ELP2: variants seen among roughly 807,000 people sequenced by gnomAD.
The protein encoded by ELP2 is elongator complex protein 2.
ELP2 carries 90 observed loss-of-function variants against 119.2 expected under a neutral mutation model. The observed-to-expected ratio is 0.75, with a 90% CI of 0.64 to 0.90. The LOEUF (loss-of-function observed/expected upper bound fraction) is 0.90, where lower values mean the gene tolerates loss of function less well. ELP2 is among the 40% of genes least tolerant of loss of function. The pLI, the probability that ELP2 is intolerant of heterozygous loss-of-function variation, is 0.00. For synonymous variants in ELP2, 339 were observed against 331.0 expected, an observed-to-expected ratio of 1.02 and a Z score of -0.26; for missense variants, 921 against 967.8, an observed-to-expected ratio of 0.95 and a Z score of 0.64.
intron 19 of ELP2, among the ~76,000 whole-genome samples, chr18:36,168,621 C>T (rs1422489059): frequency 6.6e-6 from 1 of 152,112 alleles, no homozygotes; most frequent in Non-Finnish European, 1.5e-5. Context: ...AGGTAACCGC[C>T]CCCATGATCC....
At chr18:36,170,860 A>T in intron 20 of ELP2, 187 bp from the exon 21 acceptor site, 1 of 625,468 alleles carries the variant, frequency 1.6e-6, no homozygotes, top group South Asian at 1.8e-5. Context: ...ATCTGTGTGC[A>T]GCCCCTGTAA....
rs1342601799 is a variant in ELP2 at position 36,174,486 on chromosome 18, C to T, written c.2326C>T (p.Gln776Ter). The T allele has an allele frequency of 2.5e-6, 4 of 1,613,564 alleles. No individual in the cohort carries two copies. The highest frequency in any genetic ancestry group is 1.7e-5 in the Admixed American group (1 of 59,972). The change falls in exon 22 of 22, where the codon CAA becomes TAA. Residue 776 changes from glutamine to a stop codon, truncating the protein, a stop_gained and splice_region_variant. Coordinates refer to ENST00000358232, the MANE Select transcript of ELP2 (RefSeq NM_018255.4). LOFTEE classifies it high-confidence loss of function. Reference protein sequence around the residue: ...WTHCVETSQSQSHTLAIRKLC... With the variant: ...WTHCVETSQS ...ATGATTTCTCTATCTTTGTTTTAGC[C>T]AAAGTCATACACTGGCTATCAGAAA...
In ELP2 at chr18:36,142,840, C is replaced by G. The variant is rs771044848; in HGVS notation, c.670C>G (p.Leu224Val). The G allele has an allele frequency of 8.1e-6, 13 of 1,602,466 alleles. No homozygotes were observed. In the East Asian group the frequency reaches 2.2e-4, roughly 28 times the overall value. ...TTTTTAATTAGGTAGAGATCTTTTC[C>G]TAGCAAGCTGTTCACAAGATTGCCT... ...EWAAFGRDLF[L>V]ASCSQDCLIR... Residue 224 changes from leucine (L) to valine (V), a missense_variant, in exon 8 of 22, where the codon CTA (leucine) becomes GTA (valine). By Grantham distance (32) the Leu-to-Val change is conservative. Coordinates refer to ENST00000358232, the MANE Select transcript of ELP2 (RefSeq NM_018255.4).
At position 36,156,560 on chromosome 18, in the gene ELP2, A is replaced by C. The variant is rs759542665; in HGVS notation, c.1370A>C (p.Asp457Ala). 6.2e-7 allele frequency: 1 copy of C among 1,614,150 alleles called. No homozygotes were observed. Among genetic ancestry groups the C allele is most frequent in the Non-Finnish European group, 8.5e-7 (1 of 1,180,006 alleles). Residue 457 changes from aspartate (D) to alanine (A), a missense_variant, in exon 13 of 22, where the codon GAT (aspartate) becomes GCT (alanine). By Grantham distance (126) the Asp-to-Ala change is moderately radical. Transcript: ENST00000358232. ...CGGTTTCAGTTTGTATCTGGAGCAG[A>C]TGAAAAAGTTCTTCGGGTTTTTTCT... is the stretch of plus-strand genomic sequence containing the variant. ...INRFQFVSGA[D>A]EKVLRVFSAP...
At chr18:36,166,092 C>T (rs1222485293) in intron 18 of ELP2, among the ~76,000 whole-genome samples, 1 of 151,678 alleles carries the variant, frequency 6.6e-6, no homozygotes. Context: ...ACTCAGGAGG[C>T]TGAGACAGGA....
intron 21 of ELP2, among the ~76,000 whole-genome samples, chr18:36,174,264 T>G (rs1417670224): frequency 6.6e-6 from 1 of 152,234 alleles, no homozygotes; most frequent in African/African-American, 2.4e-5. Flanking sequence ...GTCTGTGTCT[T>G]GCTCATTTTG....
rs1262639707 is a variant in ELP2 at position 36,142,149 on chromosome 18, T to C, written c.589-132T>C. The C allele has an allele frequency of 1.8e-5, 14 of 774,488 alleles. No homozygotes were observed. The East Asian group carries it at 3.5e-4, about 20-fold the overall frequency. 48.0% of individuals were successfully genotyped at this position (774,488 alleles called of 1,614,324 possible). A position where few individuals can be genotyped will look rare whatever the true frequency, so the allele number is the denominator to read the frequency against. On this transcript the variant is annotated intron_variant, in intron 6 of 21. Coordinates refer to ENST00000358232, the MANE Select transcript of ELP2 (RefSeq NM_018255.4). ...GTTTTTCATTCCCAAAGGAATGCTTTTTCTTGTCTAATCAAATAGTGTTCT... is the reference window on the plus strand; with the variant it reads ...GTTTTTCATTCCCAAAGGAATGCTTCTTCTTGTCTAATCAAATAGTGTTCT...
intron 13 of ELP2, among the ~76,000 whole-genome samples, chr18:36,158,175 C>G (rs561014585): frequency 1.3e-5 from 2 of 152,238 alleles, no homozygotes; most frequent in South Asian, 2.1e-4. Flanking sequence ...ATGTTTGTGT[C>G]TAGTTTCAGC....
At chr18:36,148,539 A>T (rs555257492) in intron 11 of ELP2, among the ~76,000 whole-genome samples, 1 of 152,224 alleles carries the variant, frequency 6.6e-6, no homozygotes, top group South Asian at 2.1e-4. Context: ...CAGGCCATGG[A>T]TCCCTCAGGC....
In ELP2 at chr18:36,171,010, TAA is replaced by T. The variant is rs34962679; in HGVS notation, c.2211-36_2211-35del. On this transcript the variant is annotated intron_variant, in intron 20 of 21. Transcript: ENST00000358232. ...AATGACGAAGATAACAATTTCATGC[TAA>T]GTTAATCACTGTTGTCCCCCTCCCT... 1.3e-3 allele frequency: 1,820 copies of T among 1,386,036 alleles called. 25 individuals carry two copies. In the African/African-American group the frequency reaches 0.023, roughly 17 times the overall value. The allele number at this position is 1,386,036 out of a possible 1,614,324, so 85.9% of individuals were successfully genotyped here. A position where few individuals can be genotyped will look rare whatever the true frequency, so the allele number is the denominator to read the frequency against.
At chr18:36,137,422 G>A (rs1280006268) in intron 3 of ELP2, among the ~76,000 whole-genome samples, 1 of 152,108 alleles carries the variant, frequency 6.6e-6, no homozygotes, top group Non-Finnish European at 1.5e-5. Flanking sequence ...AGTATTATGT[G>A]CATCTTCTTT....
rs1490277643 is a variant in ELP2, at chr18:36,164,601, C to T, written c.1888C>T (p.Leu630=). The change falls in exon 18 of 22, where the codon CTA becomes TTA. Residue 630 remains leucine (L), a synonymous_variant. Coordinates refer to ENST00000358232, the MANE Select transcript of ELP2 (RefSeq NM_018255.4). ...CTTCTCACCTAATGAGAAGTTCTTACTAGCTGTTTCCAGAGATCGAACCTG... is the reference window on the plus strand; with the variant it reads ...CTTCTCACCTAATGAGAAGTTCTTATTAGCTGTTTCCAGAGATCGAACCTG... The part of the protein sequence containing the change: ...MAFSPNEKFL[L]AVSRDRTWSL... The T allele has an allele frequency of 6.2e-7, 1 of 1,613,996 alleles. No individual in the cohort carries two copies. The highest frequency in any genetic ancestry group is 8.5e-7 in the Non-Finnish European group (1 of 1,180,002).
At position 36,179,304 on chromosome 18, in the gene ELP2, AT is replaced by A; in HGVS notation, c.*4664del. ...TGGTGAAACCCCATCTCTACTAAAAATACAAAAAAAAAAAAAAAATTAGTCG... is the reference window on the plus strand; with the variant it reads ...TGGTGAAACCCCATCTCTACTAAAAAACAAAAAAAAAAAAAAAATTAGTCG... On this transcript the variant is annotated 3_prime_UTR_variant, in exon 22 of 22. Coordinates refer to ENST00000358232, the MANE Select transcript of ELP2 (RefSeq NM_018255.4). 7.3e-6 allele frequency: 1 copy of A among 136,116 alleles called. No homozygotes were observed. The highest frequency in any genetic ancestry group is 1.6e-5 in the Non-Finnish European group (1 of 61,974). The allele number at this position is 136,116 out of a possible 1,614,324, so 8.4% of individuals were successfully genotyped here. A position where few individuals can be genotyped will look rare whatever the true frequency, so the allele number is the denominator to read the frequency against.
At chr18:36,130,289 T>G (rs769349037) in intron 1 of ELP2, among the ~76,000 whole-genome samples, 26 of 152,204 alleles carry the variant, frequency 1.7e-4, no homozygotes, top group Non-Finnish European at 2.8e-4. Flanking sequence ...CTAGGGTCAT[T>G]GCTGCCCATG....
At chr18:36,171,288 TTGTGGTAATCTGAAATTGATACA>T in intron 21 of ELP2, 128 bp downstream of exon 21, 4 of 711,370 alleles carry the variant, frequency 5.6e-6, no homozygotes, top group Admixed American at 2.1e-5. Context: ...CCACTTTGTT[TTGTGGTAATCTGAAATTGATACA>T]TGTGGTAATC....
intron 11 of ELP2, among the ~76,000 whole-genome samples, chr18:36,149,471 G>GTTTTTTTTT (rs1457178336): frequency 9.0e-5 from 6 of 66,908 alleles, no homozygotes; most frequent in African/African-American, 2.2e-4. Flanking sequence ...TAGTTGCAGG[G>GTTTTTTTTT]TTTTTTGTTT....
chr18:36,169,036 T>C (rs1429020651), intron 19 of ELP2, among the ~76,000 whole-genome samples: 1 of 148,590 alleles, frequency 6.7e-6, no homozygotes, highest in Non-Finnish European at 1.5e-5. Flanking sequence ...GCGATTCTCC[T>C]GCCTCAGCCT....
At chr18:36,160,430 A>G (rs1369013994) in intron 16 of ELP2, among the ~76,000 whole-genome samples, 1 of 152,180 alleles carries the variant, frequency 6.6e-6, no homozygotes, top group East Asian at 1.9e-4. Flanking sequence ...TTAAAAAATT[A>G]GCCAGGCATG....
rs146216393 is a variant in ELP2, at chr18:36,165,954, C to T, written c.1955-1147C>T. Among the ~76,000 whole-genome samples, 60 of 152,200 alleles carry T rather than the reference C, an allele frequency of 3.9e-4. 1 individual carries two copies. Among genetic ancestry groups the T allele is most frequent in the Admixed American group, 1.1e-3 (17 of 15,284 alleles). The stretch of plus-strand genomic sequence containing the variant: ...CCTGTAATCCTACCACTTTGGGAGG[C>T]TGAGGCAGGTGGATCATTTGAAGTC... On this transcript the variant is annotated intron_variant, in intron 18 of 21. Coordinates refer to ENST00000358232, the MANE Select transcript of ELP2 (RefSeq NM_018255.4).
Sources: gnomAD v4.1 joint callset for allele counts (sites outside exome capture counted in the v4.1 genomes callset) on GRCh38, gnomAD v4.1.1 for gene constraint, MANE v1.5 for transcripts, NCBI Gene and HGNC (gene_info 2026-07-23, HGNC 2026-07-21) for gene names.